The following MACROD2 variants were observed in gnomAD, a reference collection of about 807,000 sequenced individuals.
MACROD2 encodes ADP-ribose glycohydrolase MACROD2.
In MACROD2, 36 loss-of-function variants were observed where a neutral mutation model predicts 70.4. The observed-to-expected ratio is 0.51, with a 90% confidence interval of 0.39 to 0.68. The LOEUF (loss-of-function observed/expected upper bound fraction) is 0.68. Among genes scored for constraint, MACROD2 ranks in the 30% least tolerant of loss-of-function variants. MACROD2 has a pLI of 0.00. For synonymous variants in MACROD2, 172 were observed against 178.8 expected, an observed-to-expected ratio of 0.96 and a Z score of 0.30; for missense variants, 496 against 538.4, an observed-to-expected ratio of 0.92 and a Z score of 0.78.
chr20:14,092,792 T>A (rs913998612), intron 3 of MACROD2, among the ~76,000 whole-genome samples: 3 of 152,308 alleles, frequency 2.0e-5, no homozygotes, highest in Non-Finnish European at 4.4e-5. Flanking sequence ...CTTGGTATAG[T>A]TTAGCTATGG....
chr20:14,731,148 A>G (rs1289436195), intron 5 of MACROD2, among the ~76,000 whole-genome samples: 1 of 152,116 alleles, frequency 6.6e-6, no homozygotes, highest in Non-Finnish European at 1.5e-5. Context: ...ATAATGCTCA[A>G]TCCTGGTAAT....
At chr20:14,605,935 T>A (rs1982772307) in intron 4 of MACROD2, among the ~76,000 whole-genome samples, 1 of 152,130 alleles carries the variant, frequency 6.6e-6, no homozygotes, top group African/African-American at 2.4e-5. Flanking sequence ...ACGTGTAAAA[T>A]TTTTTGTGTC....
At chr20:14,757,786 C>T in intron 5 of MACROD2, 2 of 1,531,580 alleles carry the variant, frequency 1.3e-6, no homozygotes, top group South Asian at 2.2e-5. Context: ...ATGAGGGTAT[C>T]CAGTATCTCC....
chr20:14,818,101 G>A (rs2072794221), intron 5 of MACROD2, among the ~76,000 whole-genome samples: 1 of 152,044 alleles, frequency 6.6e-6, no homozygotes, highest in Non-Finnish European at 1.5e-5. Context: ...TCGTAGTTGT[G>A]TATTCATTTT....
chr20:14,940,245 G>A (rs1393566728), intron 5 of MACROD2, among the ~76,000 whole-genome samples: 1 of 151,776 alleles, frequency 6.6e-6, no homozygotes, highest in Non-Finnish European at 1.5e-5. Flanking sequence ...AAGTTGGGAG[G>A]AACACCTGAG....
At chr20:14,302,068 A>T (rs1262270554) in intron 3 of MACROD2, among the ~76,000 whole-genome samples, 1 of 152,230 alleles carries the variant, frequency 6.6e-6, no homozygotes, top group African/African-American at 2.4e-5. Context: ...TTACTGTCTT[A>T]AAACAACATG....
intron 5 of MACROD2, among the ~76,000 whole-genome samples, chr20:14,754,517 A>T (rs1031968320): frequency 2.6e-5 from 4 of 152,154 alleles, no homozygotes; most frequent in African/African-American, 9.6e-5. Flanking sequence ...TCATTTAGGG[A>T]GTGTGGAGAG....
chr20:14,238,576 G>A (rs2081898834), intron 3 of MACROD2, among the ~76,000 whole-genome samples: 1 of 152,186 alleles, frequency 6.6e-6, no homozygotes, highest in South Asian at 2.1e-4. Flanking sequence ...GCAAGAGAAA[G>A]ATATAAAAGG....
chr20:14,032,956 T>C (rs1281038659), intron 2 of MACROD2, among the ~76,000 whole-genome samples: 2 of 152,154 alleles, frequency 1.3e-5, no homozygotes, highest in Non-Finnish European at 2.9e-5. Flanking sequence ...GCTATCTTGT[T>C]ATTAGCACAA....
At chr20:15,745,716 C>T (rs1600834656) in intron 8 of MACROD2, among the ~76,000 whole-genome samples, 1 of 152,118 alleles carries the variant, frequency 6.6e-6, no homozygotes, top group East Asian at 1.9e-4. Flanking sequence ...ATTTAATCCA[C>T]TTAGTATCCA....
At chr20:14,021,554 A>G (rs769502752) in intron 2 of MACROD2, among the ~76,000 whole-genome samples, 2 of 152,174 alleles carry the variant, frequency 1.3e-5, no homozygotes, top group African/African-American at 2.4e-5. Flanking sequence ...CAGCACTTCA[A>G]CAAAGTTTGT....
At chr20:15,404,805 T>C (rs933566380) in intron 6 of MACROD2, among the ~76,000 whole-genome samples, 2 of 152,188 alleles carry the variant, frequency 1.3e-5, no homozygotes, top group African/African-American at 4.8e-5. Flanking sequence ...CTCTCATTTG[T>C]GGGATATCAT....
chr20:15,620,566 A>G (rs1313689780), intron 8 of MACROD2, among the ~76,000 whole-genome samples: 2 of 152,212 alleles, frequency 1.3e-5, no homozygotes, highest in African/African-American at 4.8e-5. Context: ...GCAATGTGCA[A>G]TGACTGCTGC....
chr20:14,918,274 A>G (rs1200415323), intron 5 of MACROD2, among the ~76,000 whole-genome samples: 2 of 152,132 alleles, frequency 1.3e-5, no homozygotes, highest in Non-Finnish European at 2.9e-5. Context: ...CTGGACTAGA[A>G]AAGGTTTTTC....
Position 15,318,286 on chromosome 20 carries a change from G to A in MACROD2, c.540+88225G>A, listed in dbSNP as rs553819345. Among the ~76,000 whole-genome samples, 4 of 152,180 alleles carry A rather than the reference G, an allele frequency of 2.6e-5. No homozygotes were observed. The East Asian group carries it at 7.7e-4, about 29-fold the overall frequency. On this transcript the variant is annotated intron_variant, in intron 6 of 17. Transcript: ENST00000684519. ...CAAGGTAGCAAAACTGACTCATGAA[G>A]AAACAAAATTTGAACAGATTTATAT...
chr20:14,676,142 G>A (rs1360063502), intron 4 of MACROD2, among the ~76,000 whole-genome samples: 1 of 152,066 alleles, frequency 6.6e-6, no homozygotes, highest in Non-Finnish European at 1.5e-5. Context: ...AGATCAATGA[G>A]ACAGAAAATT....
At chr20:14,942,253 A>G (rs2074396524) in intron 5 of MACROD2, among the ~76,000 whole-genome samples, 1 of 152,184 alleles carries the variant, frequency 6.6e-6, no homozygotes. Context: ...AATGTCATAT[A>G]TGAATTAAAG....
chr20:15,397,914 C>G (rs6079800), intron 6 of MACROD2, among the ~76,000 whole-genome samples: 50,662 of 152,010 alleles, frequency 0.33, 8,893 homozygotes, highest in Non-Finnish European at 0.39. Context: ...TATGACAAAT[C>G]CCTTCTCCGT....
At chr20:14,141,922 G>A (rs1325392048) in intron 3 of MACROD2, among the ~76,000 whole-genome samples, 2 of 151,986 alleles carry the variant, frequency 1.3e-5, no homozygotes, top group Admixed American at 6.6e-5. Context: ...TACATACGAT[G>A]TTTTCTGTGT....
Sources: gnomAD v4.1 joint callset for allele counts (sites outside exome capture counted in the v4.1 genomes callset) on GRCh38, gnomAD v4.1.1 for gene constraint, MANE v1.5 for transcripts, NCBI Gene and HGNC (gene_info 2026-07-23, HGNC 2026-07-21) for gene names.